SPON1: variants seen among roughly 807,000 people sequenced by gnomAD.
The protein encoded by SPON1 is spondin-1.
Under a neutral mutation model 111.7 loss-of-function variants are expected in SPON1, and 52 were observed. The ratio of observed to expected loss-of-function variants is 0.47; its 90% confidence interval spans 0.37 to 0.59. The LOEUF (loss-of-function observed/expected upper bound fraction) is 0.59, where lower values mean the gene tolerates loss of function less well. Ranked by LOEUF, SPON1 falls within the 20% of genes least tolerant of loss-of-function variation. The pLI is 0.00. For synonymous variants in SPON1, 410 were observed against 395.8 expected, an observed-to-expected ratio of 1.04 and a Z score of -0.43; for missense variants, 957 against 1,068.5, an observed-to-expected ratio of 0.90 and a Z score of 1.46.
At chr11:14,224,136 G>T (rs1366148470) in intron 6 of SPON1, among the ~76,000 whole-genome samples, 1 of 152,146 alleles carries the variant, frequency 6.6e-6, no homozygotes, top group African/African-American at 2.4e-5. Flanking sequence ...GCCAAATCCT[G>T]TACTAGACAG....
intron 2 of SPON1, among the ~76,000 whole-genome samples, chr11:14,027,661 G>A (rs554168119): frequency 6.6e-6 from 1 of 152,148 alleles, no homozygotes; most frequent in Non-Finnish European, 1.5e-5. Context: ...ATATAAAAAG[G>A]CTTCCCAAAC....
chr11:14,019,411 T>C (rs1848465222), intron 2 of SPON1, among the ~76,000 whole-genome samples: 1 of 150,272 alleles, frequency 6.7e-6, no homozygotes, highest in Non-Finnish European at 1.5e-5. Flanking sequence ...ATACAATGTA[T>C]ATAAAATTGT....
At chr11:14,027,298 G>A (rs1227896019) in intron 2 of SPON1, among the ~76,000 whole-genome samples, 2 of 152,162 alleles carry the variant, frequency 1.3e-5, no homozygotes, top group Admixed American at 6.5e-5. Context: ...TGGGGCACAC[G>A]GGGTCTTTCT....
chr11:14,084,381 G>T (rs1848989018), intron 5 of SPON1, among the ~76,000 whole-genome samples: 1 of 152,130 alleles, frequency 6.6e-6, no homozygotes, highest in Admixed American at 6.5e-5. Flanking sequence ...TCCCACTTAC[G>T]AGTGAGAACA....
intron 2 of SPON1, among the ~76,000 whole-genome samples, chr11:14,028,922 T>C (rs1483567915): frequency 6.6e-6 from 1 of 152,186 alleles, no homozygotes; most frequent in African/African-American, 2.4e-5. Context: ...ACATTTCACC[T>C]GGTTTGAAGG....
Position 14,252,316 on chromosome 11 carries a change from CGCAGA to C in SPON1, c.891-2210_891-2206del, listed in dbSNP as rs1554940734. Among the ~76,000 whole-genome samples, 13 of 149,548 alleles carry C rather than the reference CGCAGA, an allele frequency of 8.7e-5. No individual in the cohort carries two copies. The South Asian group carries it at 1.1e-3, about 12-fold the overall frequency. On this transcript the variant is annotated intron_variant, in intron 7 of 15. Transcript: ENST00000576479. ...CTGCCTCAGCCGAAGGCAAGACCTG[CGCAGA>C]GTGTGGGAATCCAGCGCTATGTATC... is the stretch of plus-strand genomic sequence containing the variant.
Position 14,265,982 on chromosome 11 carries a change from G to A in SPON1, c.*295G>A, listed in dbSNP as rs569628129. On this transcript the variant is annotated 3_prime_UTR_variant, in exon 16 of 16. Transcript: ENST00000576479. Reference sequence around the variant, plus strand: ...GAGCTTCCACCTGGCCAGGGAGGACGGAGACTTTGACCTACTCCACATGGA... The same window carrying A: ...GAGCTTCCACCTGGCCAGGGAGGACAGAGACTTTGACCTACTCCACATGGA... The A allele has an allele frequency of 1.9e-4, 51 of 271,248 alleles. No homozygotes were observed. Among genetic ancestry groups the A allele is most frequent in the African/African-American group, 3.3e-4 (15 of 45,866 alleles). 16.8% of individuals were successfully genotyped at this position (271,248 alleles called of 1,614,324 possible).
intron 6 of SPON1, among the ~76,000 whole-genome samples, chr11:14,144,873 T>G (rs1554929170): frequency 6.6e-6 from 1 of 152,112 alleles, no homozygotes; most frequent in Non-Finnish European, 1.5e-5. Context: ...GGTCTGTTTT[T>G]TTAGGTGTGT....
At chr11:14,174,493 G>T (rs1848150760) in intron 6 of SPON1, among the ~76,000 whole-genome samples, 1 of 152,084 alleles carries the variant, frequency 6.6e-6, no homozygotes, top group Admixed American at 6.5e-5. Flanking sequence ...TTGATTTTGA[G>T]AGGGATTTAT....
intron 5 of SPON1, among the ~76,000 whole-genome samples, chr11:14,132,811 C>T (rs1350395590): frequency 6.6e-6 from 1 of 152,150 alleles, no homozygotes; most frequent in East Asian, 1.9e-4. Flanking sequence ...GTTTTGTAGC[C>T]TCCCTACCAA....
intron 3 of SPON1, among the ~76,000 whole-genome samples, chr11:14,071,162 A>G (rs544865675): frequency 6.6e-5 from 10 of 152,298 alleles, no homozygotes; most frequent in East Asian, 1.9e-4. Flanking sequence ...AATATGATTT[A>G]TAAACCTCAG....
intron 6 of SPON1, among the ~76,000 whole-genome samples, chr11:14,185,113 CA>C (rs1848272910): frequency 6.6e-6 from 1 of 152,214 alleles, no homozygotes; most frequent in Non-Finnish European, 1.5e-5. Flanking sequence ...TGCTTAGATA[CA>C]AGAGTGGTGC....
intron 3 of SPON1, among the ~76,000 whole-genome samples, chr11:14,072,204 C>T (rs1848882530): frequency 6.6e-6 from 1 of 151,892 alleles, no homozygotes; most frequent in Admixed American, 6.6e-5. Context: ...TAAGTGCCTC[C>T]TTAGTGCAGA....
chr11:14,041,808 T>C (rs1182279173), intron 3 of SPON1, among the ~76,000 whole-genome samples, 154 bp downstream of exon 3: 1 of 152,170 alleles, frequency 6.6e-6, no homozygotes, highest in Non-Finnish European at 1.5e-5. Flanking sequence ...TAGACTATCA[T>C]TGGTGAAGTG....
At chr11:14,235,678 C>CAAAAAAAAAAAAAAAAAAAAAAAAA (rs56925967) in intron 6 of SPON1, among the ~76,000 whole-genome samples, 1 of 71,384 alleles carries the variant, frequency 1.4e-5, no homozygotes, top group East Asian at 4.7e-4. Flanking sequence ...GACCCTGCCT[C>CAAAAAAAAAAAAAAAAAAAAAAAAA]AAAAAAAAAA....
chr11:14,165,928 A>G (rs1848024489), intron 6 of SPON1, among the ~76,000 whole-genome samples: 1 of 152,178 alleles, frequency 6.6e-6, no homozygotes, highest in South Asian at 2.1e-4. Context: ...AGACTTTTTA[A>G]AAGGTGAGCC....
At chr11:14,195,549 G>A (rs1848391256) in intron 6 of SPON1, among the ~76,000 whole-genome samples, 1 of 152,174 alleles carries the variant, frequency 6.6e-6, no homozygotes, top group Non-Finnish European at 1.5e-5. Context: ...TGAGACTTGA[G>A]GGTGAAATGT....
intron 6 of SPON1, among the ~76,000 whole-genome samples, chr11:14,234,417 C>T (rs562354208): frequency 1.3e-5 from 2 of 152,318 alleles, no homozygotes; most frequent in African/African-American, 4.8e-5. Flanking sequence ...GGGAGGCAGG[C>T]ATGCCCCATC....
chr11:14,188,946 T>C (rs1848314791), intron 6 of SPON1, among the ~76,000 whole-genome samples: 1 of 152,222 alleles, frequency 6.6e-6, no homozygotes, highest in African/African-American at 2.4e-5. Context: ...CTTAAAGTCA[T>C]GTTTGAAAGA....
Sources: allele counts gnomAD v4.1 joint callset (sites outside exome capture counted in the v4.1 genomes callset), GRCh38; gene constraint gnomAD v4.1.1; transcripts MANE v1.5; gene names NCBI Gene and HGNC (gene_info 2026-07-23, HGNC 2026-07-21).